Variants in POM121 observed in about 807,000 individuals in gnomAD.
POM121 encodes the protein POM121 transmembrane nucleoporin.
A neutral mutation model predicts 81.3 loss-of-function variants in POM121; 32 were observed. The observed-to-expected ratio is 0.39, with a 90% CI of 0.30 to 0.53. The LOEUF (loss-of-function observed/expected upper bound fraction) is 0.53, where lower values mean the gene tolerates loss of function less well. Ranked by LOEUF, POM121 falls within the 20% of genes least tolerant of loss-of-function variation. The pLI is 0.66. For missense variants in POM121, 1,138 were observed against 1,614.6 expected, an observed-to-expected ratio of 0.70 and a Z score of 5.06; for synonymous variants, 514 against 694.2, an observed-to-expected ratio of 0.74 and a Z score of 4.08.
intron 3 of POM121, among the ~76,000 whole-genome samples, chr7:72,928,066 TGTG>T (rs1180404963): frequency 6.6e-6 from 1 of 151,764 alleles, no homozygotes; most frequent in Non-Finnish European, 1.5e-5. Flanking sequence ...ATTAGCCAGG[TGTG>T]GTGGTGCATA....
chr7:72,926,548 A>G (rs1554497538), intron 2 of POM121, 71 bp downstream of exon 2: 39 of 1,599,444 alleles, frequency 2.4e-5, no homozygotes, highest in Non-Finnish European at 2.7e-5. Context: ...TGTTCCTATG[A>G]CATGACTACA....
chr7:72,919,170 T>C (rs1794571604), intron 4 of POM121, among the ~76,000 whole-genome samples: 1 of 151,298 alleles, frequency 6.6e-6, no homozygotes. Flanking sequence ...CCTCCCAAAG[T>C]GCTGGGATTA....
chr7:72,879,417 C>T (rs1789908181), exon 1 of POM121: 1 of 205,996 alleles, frequency 4.9e-6, no homozygotes, highest in Admixed American at 6.4e-5. Flanking sequence ...AGGCTTTGGC[C>T]TCTAGTGGAT....
chr7:72,946,748 G>A lies in POM121; in HGVS notation c.*514G>A. On this transcript the variant is annotated 3_prime_UTR_variant, in exon 13 of 13. Transcript: ENST00000434423. ...TGGGGACTCTGTTTCCCCATTTCTTGCTGCTGTGTCCCTCACCAGTTCCTT... is the reference window on the plus strand; with the variant it reads ...TGGGGACTCTGTTTCCCCATTTCTTACTGCTGTGTCCCTCACCAGTTCCTT... 1 of 941,918 alleles carries A rather than the reference G, an allele frequency of 1.1e-6. No individual in the cohort carries two copies. Among genetic ancestry groups the A allele is most frequent in the Non-Finnish European group, 1.2e-6 (1 of 802,802 alleles). The allele number at this position is 941,918 out of a possible 1,614,324, so 58.3% of individuals were successfully genotyped here.
upstream of POM121, among the ~76,000 whole-genome samples, chr7:72,923,807 G>GT (rs1235965686): frequency 4.6e-5 from 7 of 151,242 alleles, no homozygotes; most frequent in Non-Finnish European, 8.8e-5. Context: ...CACCATATTG[G>GT]TCAGGCTGGT....
Position 72,925,615 on chromosome 7 carries a change from G to T in POM121, c.494G>T (p.Arg165Leu), listed in dbSNP as rs1554497116. Residue 165 changes from arginine to leucine, a missense_variant, in exon 1 of 13, where the codon CGC becomes CTC. By Grantham distance (102) the Arg-to-Leu change is moderately radical. Transcript: ENST00000434423. ...GACCTGCGGGATAGGCCTGGCCGCC[G>T]CCCACCTGCCCGCCCGGCGCCGCGC... The part of the protein sequence containing the change: ...GQDLRDRPGR[R>L]PPARPAPRSP... 15 of 1,337,266 alleles carry T rather than the reference G, an allele frequency of 1.1e-5. No individual in the cohort carries two copies. Among genetic ancestry groups the T allele is most frequent in the Admixed American group, 3.9e-5 (1 of 25,824 alleles). The allele number at this position is 1,337,266 out of a possible 1,614,324, so 82.8% of individuals were successfully genotyped here.
At chr7:72,904,404 C>A (rs1793027522) in intron 3 of POM121, among the ~76,000 whole-genome samples, 1 of 152,178 alleles carries the variant, frequency 6.6e-6, no homozygotes, top group African/African-American at 2.4e-5. Flanking sequence ...ACAGTGTTTT[C>A]AAGGAATACC....
intron 5 of POM121, among the ~76,000 whole-genome samples, chr7:72,932,211 TTCCA>T (rs1270030749): frequency 6.6e-5 from 10 of 150,694 alleles, no homozygotes; most frequent in Admixed American, 2.0e-4. Flanking sequence ...AAAATTCAGT[TTCCA>T]TCCCTTTCCA....
upstream of POM121, chr7:72,924,988 T>C (rs1795206552): frequency 1.5e-6 from 2 of 1,309,098 alleles, no homozygotes; most frequent in Non-Finnish European, 1.9e-6. Flanking sequence ...TCCAAACCAG[T>C]TGGGTCTCGG....
chr7:72,920,537 G>A (rs544402096), upstream of POM121, among the ~76,000 whole-genome samples: 1 of 151,852 alleles, frequency 6.6e-6, no homozygotes, highest in Non-Finnish European at 1.5e-5. Flanking sequence ...TGTATTTTTA[G>A]TAGAGACGGG....
intron 6 of POM121, among the ~76,000 whole-genome samples, 171 bp downstream of exon 6, chr7:72,938,852 TAC>T (rs1554500080): frequency 6.6e-6 from 1 of 152,244 alleles, no homozygotes. Flanking sequence ...CTGTCATCCC[TAC>T]AGTCTTGGAT....
intron 3 of POM121, among the ~76,000 whole-genome samples, chr7:72,907,975 T>C (rs374206989): frequency 1.3e-5 from 2 of 152,214 alleles, no homozygotes; most frequent in African/African-American, 4.8e-5. Context: ...TTTTTTCTTA[T>C]GGCAAGATTG....
intron 5 of POM121, among the ~76,000 whole-genome samples, chr7:72,930,601 G>A (rs184498769): frequency 6.6e-5 from 10 of 152,336 alleles, no homozygotes; most frequent in African/African-American, 1.9e-4. Flanking sequence ...AATTGAAAGC[G>A]GGGTTTTTAA....
At chr7:72,940,039 A>C in intron 8 of POM121, 71 bp downstream of exon 8, 1 of 1,548,646 alleles carries the variant, frequency 6.5e-7, no homozygotes, top group Non-Finnish European at 8.7e-7. Context: ...GCTAAGGACA[A>C]GTTTCTTCTG....
intron 4 of POM121, among the ~76,000 whole-genome samples, chr7:72,915,036 C>G (rs1394618750): frequency 1.3e-5 from 2 of 152,200 alleles, no homozygotes; most frequent in East Asian, 3.9e-4. Context: ...AAATGAGAGG[C>G]TTAGGGGCTC....
chr7:72,949,109 A>T, downstream of POM121: 1 of 1,591,474 alleles, frequency 6.3e-7, no homozygotes, highest in African/African-American at 1.4e-5. Flanking sequence ...ATACCTAAGG[A>T]AAAGCGTGTC....
At chr7:72,911,145 A>T (rs1192945635) in intron 3 of POM121, among the ~76,000 whole-genome samples, 3 of 152,270 alleles carry the variant, frequency 2.0e-5, no homozygotes, top group Admixed American at 6.5e-5. Flanking sequence ...CACCACGCCC[A>T]GCTCATGTTT....
intron 4 of POM121, among the ~76,000 whole-genome samples, chr7:72,919,037 G>T (rs1393435967): frequency 6.6e-5 from 10 of 152,016 alleles, no homozygotes; most frequent in African/African-American, 2.4e-4. Context: ...CTGACCTTGT[G>T]ATCTGCCTGC....
At chr7:72,941,586 G>A (rs1797071466) in intron 10 of POM121, among the ~76,000 whole-genome samples, 3 of 150,560 alleles carry the variant, frequency 2.0e-5, no homozygotes, top group Admixed American at 2.0e-4. Flanking sequence ...CAGACAATTG[G>A]ACTGTCTTAG....
Sources: gnomAD v4.1 joint callset for allele counts (sites outside exome capture counted in the v4.1 genomes callset) on GRCh38, gnomAD v4.1.1 for gene constraint, MANE v1.5 for transcripts, NCBI Gene and HGNC (gene_info 2026-07-23, HGNC 2026-07-21) for gene names.